The following WWOX variants were observed in gnomAD, a reference collection of about 807,000 sequenced individuals.
The protein encoded by WWOX is WW domain-containing oxidoreductase.
WWOX carries 69 observed loss-of-function variants against 46.2 expected under a neutral mutation model. The ratio of observed to expected loss-of-function variants is 1.49; its 90% CI spans 1.23 to 1.82. The LOEUF is 1.82. Among genes scored for constraint, WWOX ranks in the 40% most tolerant of loss-of-function variants. WWOX has a pLI of 0.00. For synonymous variants in WWOX, 359 were observed against 202.6 expected, an observed-to-expected ratio of 1.77 and a Z score of -6.56; for missense variants, 919 against 542.6, an observed-to-expected ratio of 1.69 and a Z score of -6.89.
At chr16:78,528,008 T>TA (rs1042617770) in intron 8 of WWOX, among the ~76,000 whole-genome samples, 1 of 110,020 alleles carries the variant, frequency 9.1e-6, no homozygotes, top group African/African-American at 3.5e-5. Context: ...TTTTTTTTTT[T>TA]TTTTTTTTGA....
intron 8 of WWOX, among the ~76,000 whole-genome samples, chr16:78,838,911 G>C (rs533279898): frequency 6.6e-6 from 1 of 152,082 alleles, no homozygotes; most frequent in Non-Finnish European, 1.5e-5. Flanking sequence ...GAGAGGAGTG[G>C]GGGGTGAGTG....
intron 5 of WWOX, among the ~76,000 whole-genome samples, chr16:78,337,913 G>GA (rs2080931257): frequency 8.7e-6 from 1 of 114,702 alleles, no homozygotes; most frequent in Non-Finnish European, 2.1e-5. Context: ...GGCAGTGCCT[G>GA]TCCTGCTAAC....
At chr16:78,368,571 C>G (rs1276841123) in intron 5 of WWOX, among the ~76,000 whole-genome samples, 1 of 152,160 alleles carries the variant, frequency 6.6e-6, no homozygotes, top group Non-Finnish European at 1.5e-5. Context: ...AAAAAGGAAG[C>G]TGCTGTTCAT....
chr16:78,712,737 A>C (rs1175699101), intron 8 of WWOX, among the ~76,000 whole-genome samples: 2 of 152,166 alleles, frequency 1.3e-5, no homozygotes, highest in African/African-American at 4.8e-5. Flanking sequence ...ATGCATACCG[A>C]AAAATCTACA....
chr16:79,099,643 G>A (rs1361837331), intron 8 of WWOX, among the ~76,000 whole-genome samples: 1 of 151,644 alleles, frequency 6.6e-6, no homozygotes, highest in Middle Eastern at 3.2e-3. Context: ...TTTAAATATT[G>A]GCAACTAATT....
At chr16:78,570,305 T>C (rs2044682696) in intron 8 of WWOX, among the ~76,000 whole-genome samples, 2 of 152,114 alleles carry the variant, frequency 1.3e-5, no homozygotes, top group Non-Finnish European at 1.5e-5. Flanking sequence ...TTCTGAAACA[T>C]TGGTAGTAGA....
At chr16:79,069,472 C>T (rs966515721) in intron 8 of WWOX, among the ~76,000 whole-genome samples, 19 of 151,664 alleles carry the variant, frequency 1.3e-4, no homozygotes, top group East Asian at 3.9e-4. Flanking sequence ...TAGTCATTTA[C>T]GTAAACTTAG....
chr16:78,301,485 C>A (rs1404580113), intron 5 of WWOX, among the ~76,000 whole-genome samples: 1 of 151,974 alleles, frequency 6.6e-6, no homozygotes, highest in South Asian at 2.1e-4. Flanking sequence ...CTTTATGAAT[C>A]TGGTTTTGAC....
At chr16:78,952,796 G>C (rs2046088757) in intron 8 of WWOX, among the ~76,000 whole-genome samples, 1 of 152,180 alleles carries the variant, frequency 6.6e-6, no homozygotes, top group Non-Finnish European at 1.5e-5. Context: ...AGAAGGCTTA[G>C]CTGTTAACAA....
chr16:78,981,163 T>A (rs934137760), intron 8 of WWOX, among the ~76,000 whole-genome samples: 1 of 152,168 alleles, frequency 6.6e-6, no homozygotes, highest in African/African-American at 2.4e-5. Flanking sequence ...TGCAGCACTT[T>A]CCTAAACTCT....
At chr16:79,093,879 C>G (rs564136966) in intron 8 of WWOX, among the ~76,000 whole-genome samples, 3 of 152,190 alleles carry the variant, frequency 2.0e-5, no homozygotes, top group Non-Finnish European at 2.9e-5. Flanking sequence ...GTGGGCCTCA[C>G]CGCAGCTTCC....
intron 5 of WWOX, among the ~76,000 whole-genome samples, chr16:78,311,457 C>T (rs141840924): frequency 6.6e-6 from 1 of 152,208 alleles, no homozygotes; most frequent in African/African-American, 2.4e-5. Flanking sequence ...CCCCCAGGAG[C>T]ACTGAAGCAG....
chr16:78,647,675 C>T (rs2046875983), intron 8 of WWOX, among the ~76,000 whole-genome samples: 1 of 152,202 alleles, frequency 6.6e-6, no homozygotes, highest in Non-Finnish European at 1.5e-5. Context: ...AGACCATCAC[C>T]TTCTTATACC....
At chr16:78,943,790 A>G (rs576921081) in intron 8 of WWOX, among the ~76,000 whole-genome samples, 2 of 152,086 alleles carry the variant, frequency 1.3e-5, no homozygotes, top group Non-Finnish European at 2.9e-5. Context: ...TGAAGGGGAA[A>G]TCTTTCCCAC....
Position 78,875,115 on chromosome 16 carries a change from G to A in WWOX, c.1057-336493G>A, listed in dbSNP as rs983572534. On this transcript the variant is annotated intron_variant, in intron 8 of 8. Coordinates refer to ENST00000566780, the MANE Select transcript of WWOX (RefSeq NM_016373.4). ...CAGCAGACTCGGTGGATTCTGAAGA[G>A]GGTCTCGGGCTGACTCTCTACTTCA... 2.9e-4 allele frequency among the ~76,000 whole-genome samples: 44 copies of A among 152,158 alleles called. 1 individual carries two copies. Among genetic ancestry groups the A allele is most frequent in the Admixed American group, 6.5e-5 (1 of 15,274 alleles).
intron 8 of WWOX, among the ~76,000 whole-genome samples, chr16:78,459,816 T>G (rs950985026): frequency 6.6e-6 from 1 of 152,022 alleles, no homozygotes; most frequent in African/African-American, 2.4e-5. Context: ...TTTTAATTCT[T>G]TTTGAGACAG....
At chr16:78,544,531 G>T (rs2043975857) in intron 8 of WWOX, among the ~76,000 whole-genome samples, 1 of 152,254 alleles carries the variant, frequency 6.6e-6, no homozygotes, top group East Asian at 1.9e-4. Context: ...GCAGAACTGT[G>T]TGGCATCAAA....
At chr16:78,792,414 C>G (rs1280112472) in intron 8 of WWOX, among the ~76,000 whole-genome samples, 1 of 152,152 alleles carries the variant, frequency 6.6e-6, no homozygotes, top group East Asian at 1.9e-4. Context: ...AGATGGCTTC[C>G]TATTGCTTCT....
chr16:79,033,434 G>A (rs1367388837), intron 8 of WWOX, among the ~76,000 whole-genome samples: 2 of 150,212 alleles, frequency 1.3e-5, no homozygotes, highest in Non-Finnish European at 3.0e-5. Flanking sequence ...TGGTGTAGAT[G>A]TACCACATTT....
Sources: gnomAD v4.1 joint callset for allele counts (sites outside exome capture counted in the v4.1 genomes callset) on GRCh38, gnomAD v4.1.1 for gene constraint, MANE v1.5 for transcripts, NCBI Gene and HGNC (gene_info 2026-07-23, HGNC 2026-07-21) for gene names.